Variants in MYRIP observed in about 807,000 individuals in gnomAD.
MYRIP encodes the protein rab effector MyRIP.
MYRIP carries 49 observed loss-of-function variants against 98.0 expected under a neutral mutation model. The ratio of observed to expected loss-of-function variants is 0.50; its 90% CI spans 0.40 to 0.63. The LOEUF is 0.63. Ranked by LOEUF, MYRIP falls within the 30% of genes least tolerant of loss-of-function variation. MYRIP has a pLI of 0.00. For synonymous variants in MYRIP, 404 were observed against 409.5 expected (o/e 0.99, Z 0.16); for missense variants, 1,004 against 1,058.2 (o/e 0.95, Z 0.71).
intron 10 of MYRIP, among the ~76,000 whole-genome samples, chr3:40,203,646 T>C (rs1291901298): frequency 5.2e-5 from 7 of 135,660 alleles, no homozygotes; most frequent in South Asian, 4.4e-4. Flanking sequence ...CCAAGTTCCA[T>C]ATAAATATAT....
intron 3 of MYRIP, among the ~76,000 whole-genome samples, chr3:40,074,722 A>G (rs1473261802): frequency 1.3e-5 from 2 of 152,180 alleles, no homozygotes. Flanking sequence ...CAAAACATAC[A>G]TCTGATAAAG....
intron 2 of MYRIP, among the ~76,000 whole-genome samples, chr3:39,920,029 G>A (rs1181078276): frequency 6.6e-6 from 1 of 151,962 alleles, no homozygotes; most frequent in South Asian, 2.1e-4. Context: ...CATCTGACTG[G>A]AGAGTTATGA....
intron 13 of MYRIP, chr3:40,248,618 A>G (rs922622389): frequency 1.3e-5 from 2 of 152,216 alleles, no homozygotes; most frequent in Non-Finnish European, 2.9e-5. Flanking sequence ...TCCACAAATG[A>G]AGAGGTCAGC....
intron 3 of MYRIP, among the ~76,000 whole-genome samples, chr3:40,145,311 C>T (rs1185315828): frequency 6.6e-6 from 1 of 152,134 alleles, no homozygotes; most frequent in African/African-American, 2.4e-5. Flanking sequence ...AAATTGTGCT[C>T]ATTTTTTCAT....
chr3:40,228,877 C>T (rs1055045619), intron 11 of MYRIP, among the ~76,000 whole-genome samples: 1 of 152,234 alleles, frequency 6.6e-6, no homozygotes, highest in African/African-American at 2.4e-5. Flanking sequence ...GGAATCCCCG[C>T]TCTTTAATTC....
chr3:39,961,940 C>G (rs1945334707), intron 2 of MYRIP, among the ~76,000 whole-genome samples: 1 of 152,098 alleles, frequency 6.6e-6, no homozygotes, highest in East Asian at 1.9e-4. Flanking sequence ...CTGGATGGCG[C>G]AGCAGGGTTA....
At chr3:40,126,746 C>T (rs542343459) in intron 3 of MYRIP, among the ~76,000 whole-genome samples, 31 of 152,226 alleles carry the variant, frequency 2.0e-4, no homozygotes, top group Non-Finnish European at 3.2e-4. Flanking sequence ...GTTTATTTGA[C>T]GGTCCCTGTA....
intron 2 of MYRIP, among the ~76,000 whole-genome samples, chr3:39,982,653 C>T (rs951502525): frequency 3.9e-5 from 6 of 151,972 alleles, no homozygotes; most frequent in East Asian, 1.9e-4. Context: ...AAAAGCTAAC[C>T]GGTAAATATT....
chr3:40,235,568 T>G (rs1381734013), intron 12 of MYRIP, among the ~76,000 whole-genome samples: 1 of 152,220 alleles, frequency 6.6e-6, no homozygotes, highest in African/African-American at 2.4e-5. Flanking sequence ...AGAAAGGAAA[T>G]AAAACAAGTC....
chr3:39,875,364 A>G (rs1942954225), intron 1 of MYRIP, among the ~76,000 whole-genome samples: 1 of 150,436 alleles, frequency 6.6e-6, no homozygotes, highest in Admixed American at 6.6e-5. Flanking sequence ...GATTTTAGTT[A>G]TTTCTTGCCT....
chr3:40,210,212 ATCCC>A, intron 11 of MYRIP, 119 bp downstream of exon 11: 4 of 1,273,550 alleles, frequency 3.1e-6, no homozygotes, highest in Non-Finnish European at 4.2e-6. Flanking sequence ...TAAAATGCCC[ATCCC>A]TGTGCATTTG....
chr3:40,145,321 T>A (rs1949985376), intron 3 of MYRIP, among the ~76,000 whole-genome samples: 1 of 152,246 alleles, frequency 6.6e-6, no homozygotes, highest in Non-Finnish European at 1.5e-5. Context: ...CATTTTTTCA[T>A]AATAGTGATA....
Position 40,170,023 on chromosome 3 carries a change from G to T in MYRIP, c.803G>T (p.Cys268Phe). 6.2e-7 allele frequency: 1 copy of T among 1,614,238 alleles called. No homozygotes were observed. Among genetic ancestry groups the T allele is most frequent in the Non-Finnish European group, 8.5e-7 (1 of 1,180,038 alleles). ...CCAGGATGGCCACATCCCCAGAGTT[G>T]CAGCACAAAGGTGGCAGATGAGGGG... Reference protein sequence around the residue: ...EEPGWPHPQSCSTKVADEGTS... With the variant: ...EEPGWPHPQSFSTKVADEGTS... The change falls in exon 8 of 17, where the codon TGC becomes TTC. Residue 268 changes from cysteine (C) to phenylalanine (F), a missense_variant. Physicochemically the swap from Cys to Phe is radical, Grantham distance 205 (BLOSUM62 -2). Coordinates refer to ENST00000302541, the MANE Select transcript of MYRIP (RefSeq NM_015460.4).
intron 2 of MYRIP, among the ~76,000 whole-genome samples, chr3:39,937,133 C>G (rs377016897): frequency 4.6e-5 from 7 of 152,246 alleles, no homozygotes; most frequent in African/African-American, 1.4e-4. Context: ...CAGTCCAGGT[C>G]TCTTGCTGGA....
chr3:40,170,129 C>G, intron 8 of MYRIP, 36 bp downstream of exon 8: 1 of 1,610,196 alleles, frequency 6.2e-7, no homozygotes, highest in Non-Finnish European at 8.5e-7. Flanking sequence ...ACCCTCCACA[C>G]GTGCAGGTCT....
chr3:40,083,775 G>A (rs1042491188), intron 3 of MYRIP, among the ~76,000 whole-genome samples: 1 of 152,074 alleles, frequency 6.6e-6, no homozygotes, highest in East Asian at 1.9e-4. Context: ...TTTAAGTGCT[G>A]AAAGAAAAGC....
chr3:39,963,816 CT>C (rs1945379284), intron 2 of MYRIP, among the ~76,000 whole-genome samples: 1 of 152,082 alleles, frequency 6.6e-6, no homozygotes, highest in South Asian at 2.1e-4. Flanking sequence ...TTGTTTACAG[CT>C]TATTTTACTA....
chr3:39,912,268 C>T (rs942951340), intron 2 of MYRIP, among the ~76,000 whole-genome samples: 2 of 152,202 alleles, frequency 1.3e-5, no homozygotes, highest in African/African-American at 2.4e-5. Flanking sequence ...GGATCTGGCT[C>T]TCCAGATATG....
chr3:39,878,594 A>C (rs953638658), intron 1 of MYRIP, among the ~76,000 whole-genome samples: 10 of 152,068 alleles, frequency 6.6e-5, no homozygotes, highest in Admixed American at 2.0e-4. Context: ...ATATATATAC[A>C]TTTGTATGTA....
Sources: gnomAD v4.1 joint callset for allele counts (sites outside exome capture counted in the v4.1 genomes callset) on GRCh38, gnomAD v4.1.1 for gene constraint, MANE v1.5 for transcripts, NCBI Gene and HGNC (gene_info 2026-07-23, HGNC 2026-07-21) for gene names.